Variants in SCD5 observed in about 807,000 individuals in gnomAD.
SCD5 encodes the protein stearoyl-CoA desaturase 5, also known as acyl-CoA-desaturase 4.
In SCD5, 20 loss-of-function variants were observed where a neutral mutation model predicts 30.4. The observed-to-expected ratio is 0.66, with a 90% CI of 0.46 to 0.96. The LOEUF is 0.96. Among genes scored for constraint, SCD5 ranks in the 40% least tolerant of loss-of-function variants. The pLI, the probability that SCD5 is intolerant of heterozygous loss-of-function variation, is 0.00. For missense variants in SCD5, 381 were observed against 443.3 expected, an observed-to-expected ratio of 0.86 and a Z score of 1.26; for synonymous variants, 173 against 176.4, an observed-to-expected ratio of 0.98 and a Z score of 0.16.
At chr4:82,689,882 TGTA>T (rs1728794179) in intron 2 of SCD5, among the ~76,000 whole-genome samples, 1 of 152,212 alleles carries the variant, frequency 6.6e-6, no homozygotes, top group Admixed American at 6.5e-5. Context: ...AGAATGCTAA[TGTA>T]GTACTCCCAC....
At position 82,631,269 on chromosome 4, in the gene SCD5, T is replaced by A. The variant is rs114652507; in HGVS notation, c.*58A>T. On this transcript the variant is annotated 3_prime_UTR_variant, in exon 5 of 5. Coordinates refer to ENST00000319540, the MANE Select transcript of SCD5 (RefSeq NM_001037582.3). The stretch of plus-strand genomic sequence containing the variant: ...GATCCAATGTACAAGAGAGCTATTG[T>A]AACCAAAGCCATGAACCGAGGTTGC... 945 of 1,525,818 alleles carry A rather than the reference T, an allele frequency of 6.2e-4. 4 individuals are homozygous for A. In the African/African-American group the frequency reaches 0.011, roughly 18 times the overall value. The allele number at this position is 1,525,818 out of a possible 1,614,324, so 94.5% of individuals were successfully genotyped here.
At chr4:82,707,005 C>A (rs1719985367) in intron 1 of SCD5, among the ~76,000 whole-genome samples, 1 of 152,236 alleles carries the variant, frequency 6.6e-6, no homozygotes, top group African/African-American at 2.4e-5. Flanking sequence ...CATGGGCTGT[C>A]CCATTAACAG....
At chr4:82,642,367 G>A (rs1350897356) in intron 3 of SCD5, among the ~76,000 whole-genome samples, 3 of 152,196 alleles carry the variant, frequency 2.0e-5, no homozygotes, top group Non-Finnish European at 4.4e-5. Context: ...CGGCTGGAGT[G>A]TTGAACATAG....
chr4:82,753,331 T>C (rs1173549451), intron 1 of SCD5: 2 of 531,584 alleles, frequency 3.8e-6, no homozygotes, highest in Middle Eastern at 3.2e-4. Flanking sequence ...GTTCTGTGTA[T>C]GGCCAGAGTT....
chr4:82,757,118 T>C (rs545872039), intron 1 of SCD5, among the ~76,000 whole-genome samples: 1 of 152,192 alleles, frequency 6.6e-6, no homozygotes, highest in Non-Finnish European at 1.5e-5. Flanking sequence ...TAAGGAGCCT[T>C]CCCCACCCTC....
At chr4:82,717,894 C>G (rs1018251075) in intron 1 of SCD5, among the ~76,000 whole-genome samples, 1 of 150,812 alleles carries the variant, frequency 6.6e-6, no homozygotes, top group East Asian at 1.9e-4. Flanking sequence ...CCAGCCTGGG[C>G]GACAGAGTGA....
intron 1 of SCD5, among the ~76,000 whole-genome samples, chr4:82,734,339 T>A (rs982337439): frequency 3.9e-5 from 6 of 152,206 alleles, no homozygotes; most frequent in African/African-American, 1.4e-4. Context: ...TAGGTAAAGC[T>A]CTGTCATCGG....
At chr4:82,758,309 A>T (rs1168410977) in intron 1 of SCD5, among the ~76,000 whole-genome samples, 1 of 152,110 alleles carries the variant, frequency 6.6e-6, no homozygotes, top group Non-Finnish European at 1.5e-5. Context: ...CCAAAAACAA[A>T]AAAAAAGTAG....
At chr4:82,661,101 C>G in intron 3 of SCD5, 3 of 1,606,666 alleles carry the variant, frequency 1.9e-6, no homozygotes, top group Non-Finnish European at 2.6e-6. Context: ...AAGAAAATGA[C>G]TGAGAGTTCC....
At chr4:82,723,753 A>G (rs922809363) in intron 1 of SCD5, among the ~76,000 whole-genome samples, 27 of 152,254 alleles carry the variant, frequency 1.8e-4, no homozygotes, top group African/African-American at 6.3e-4. Context: ...GAAGGTAGAA[A>G]CAATCACACA....
chr4:82,778,152 G>C (rs1273667172), intron 1 of SCD5, among the ~76,000 whole-genome samples: 1 of 152,094 alleles, frequency 6.6e-6, no homozygotes, highest in Non-Finnish European at 1.5e-5. Flanking sequence ...TCACTCATAA[G>C]TGGGAGTTGA....
intron 1 of SCD5, among the ~76,000 whole-genome samples, chr4:82,766,824 T>C (rs1721498091): frequency 6.6e-6 from 1 of 152,158 alleles, no homozygotes; most frequent in Non-Finnish European, 1.5e-5. Context: ...ACTACAAGCA[T>C]GCGCCAGCAC....
intron 2 of SCD5, among the ~76,000 whole-genome samples, chr4:82,700,692 TG>T (rs1219949183): frequency 7.0e-6 from 1 of 142,626 alleles, no homozygotes; most frequent in Non-Finnish European, 1.5e-5. Context: ...GAGGCTGAGG[TG>T]GGAGGGGCGC....
In SCD5 at chr4:82,768,210, G is replaced by A. The variant is rs554865270; in HGVS notation, c.232+30096C>T. 3.9e-5 allele frequency among the ~76,000 whole-genome samples: 6 copies of A among 152,282 alleles called. No homozygotes were observed. The South Asian group carries it at 1.2e-3, about 32-fold the overall frequency. On this transcript the variant is annotated intron_variant, in intron 1 of 4. Coordinates refer to ENST00000319540, the MANE Select transcript of SCD5 (RefSeq NM_001037582.3). The stretch of plus-strand genomic sequence containing the variant: ...ACCACAATTATCATTCCCACTTATA[G>A]ATGAGGGAACTGAGACTCAAGACTT...
At chr4:82,701,663 CTGTT>C (rs1184656233) in intron 2 of SCD5, among the ~76,000 whole-genome samples, 4 of 152,222 alleles carry the variant, frequency 2.6e-5, no homozygotes. Context: ...CTGGTATTCT[CTGTT>C]TACTCCTCTG....
chr4:82,708,233 T>G (rs1720008508), intron 1 of SCD5, among the ~76,000 whole-genome samples: 1 of 152,212 alleles, frequency 6.6e-6, no homozygotes, highest in Non-Finnish European at 1.5e-5. Context: ...AGTTGTACAG[T>G]ATGAGTTATA....
chr4:82,783,184 C>T (rs1721911153), intron 1 of SCD5, among the ~76,000 whole-genome samples: 1 of 152,212 alleles, frequency 6.6e-6, no homozygotes, highest in African/African-American at 2.4e-5. Flanking sequence ...ACAACTCACT[C>T]ATGACTGACT....
chr4:82,665,076 AT>A (rs59529272), intron 3 of SCD5, among the ~76,000 whole-genome samples: 5,205 of 74,632 alleles, frequency 0.07, 176 homozygotes, highest in South Asian at 0.16. Context: ...ATATATATAT[AT>A]TTTTTTTTTA....
intron 1 of SCD5, among the ~76,000 whole-genome samples, chr4:82,784,862 T>C (rs1721952438): frequency 2.6e-5 from 4 of 152,236 alleles, no homozygotes; most frequent in Admixed American, 2.6e-4. Context: ...ATTTAAGCCC[T>C]GCAGCTGGGC....
Sources: gnomAD v4.1 joint callset for allele counts (sites outside exome capture counted in the v4.1 genomes callset) on GRCh38, gnomAD v4.1.1 for gene constraint, MANE v1.5 for transcripts, NCBI Gene and HGNC (gene_info 2026-07-23, HGNC 2026-07-21) for gene names.